The following ABCG2 variants were observed in gnomAD, a reference collection of about 807,000 sequenced individuals.
ABCG2 encodes the protein broad substrate specificity ATP-binding cassette transporter ABCG2.
A neutral mutation model predicts 73.5 loss-of-function variants in ABCG2; 80 were observed. The ratio of observed to expected loss-of-function variants is 1.09; its 90% CI spans 0.91 to 1.31. The LOEUF (loss-of-function observed/expected upper bound fraction) is 1.31. Ranked by LOEUF, ABCG2 falls within the 50% of genes most tolerant of loss-of-function variation. The pLI is 0.00. For missense variants in ABCG2, 796 were observed against 786.2 expected, an observed-to-expected ratio of 1.01 and a Z score of -0.15; for synonymous variants, 269 against 282.4, an observed-to-expected ratio of 0.95 and a Z score of 0.48.
chr4:88,113,360 C>T lies in ABCG2; in HGVS notation c.1137G>A (p.Trp379Ter). The T allele has an allele frequency of 6.2e-7, 1 of 1,614,152 alleles. No individual in the cohort carries two copies. Residue 379 changes from tryptophan (W) to a stop codon, truncating the protein, a stop_gained, in exon 9 of 16, where the codon TGG (tryptophan) becomes TGA (stop). Transcript: ENST00000237612. LOFTEE classifies it high-confidence loss of function. ...YTTSFCHQLR[W>*]VSKRSFKNLL... ...AGTTTTTGAATGAACGCTTGGAAAC[C>T]CATCTGAGTTGATGACAGAAGGAGG...
intron 1 of ABCG2, among the ~76,000 whole-genome samples, chr4:88,216,397 T>C (rs2110127319): frequency 6.6e-6 from 1 of 152,324 alleles, no homozygotes. Context: ...TTCTCAAAAA[T>C]CAAATGATCA....
chr4:88,198,188 C>G (rs1305765850), intron 1 of ABCG2, among the ~76,000 whole-genome samples: 1 of 152,010 alleles, frequency 6.6e-6, no homozygotes, highest in African/African-American at 2.4e-5. Flanking sequence ...AAAAAACTAG[C>G]TGGGCATGGT....
chr4:88,181,573 A>T (rs951255886), intron 1 of ABCG2, among the ~76,000 whole-genome samples: 2 of 152,094 alleles, frequency 1.3e-5, no homozygotes, highest in African/African-American at 4.8e-5. Context: ...CCTACAAAAA[A>T]TAAAAGAAAT....
intron 1 of ABCG2, among the ~76,000 whole-genome samples, chr4:88,182,417 C>G (rs1728291076): frequency 6.6e-6 from 1 of 152,106 alleles, no homozygotes; most frequent in Non-Finnish European, 1.5e-5. Flanking sequence ...TAGATATTTA[C>G]AGAACATTTA....
At chr4:88,176,746 G>C (rs1728002642) in intron 1 of ABCG2, among the ~76,000 whole-genome samples, 3 of 145,218 alleles carry the variant, frequency 2.1e-5, no homozygotes, top group South Asian at 4.3e-4. Flanking sequence ...CTCTCGCCTT[G>C]GCCTCCTACT....
Position 88,118,095 on chromosome 4 carries a change from A to C in ABCG2, c.841+14T>G. 1 of 1,609,592 alleles carries C rather than the reference A, an allele frequency of 6.2e-7. No individual in the cohort carries two copies. The highest frequency in any genetic ancestry group is 8.5e-7 in the Non-Finnish European group (1 of 1,178,414). ...TTAATGAAGCATTTTACAGCATAAA[A>C]AAGTCAACCATACCAGCTGATTCAA... On this transcript the variant is annotated intron_variant, in intron 7 of 15. Coordinates refer to ENST00000237612, the MANE Select transcript of ABCG2 (RefSeq NM_004827.3).
chr4:88,182,977 C>T lies in ABCG2; in HGVS notation c.-19-42963G>A, dbSNP rs529937060. On this transcript the variant is annotated intron_variant, in intron 1 of 15. Transcript: ENST00000515655. Reference sequence around the variant, plus strand: ...GCGGGCACCTGTAGTCCCAGCTACTCAAGAGGCTGAGGTAGGAGAATCACT... The same window carrying T: ...GCGGGCACCTGTAGTCCCAGCTACTTAAGAGGCTGAGGTAGGAGAATCACT... Among the ~76,000 whole-genome samples the T allele has an allele frequency of 2.0e-3, 301 of 150,826 alleles. 1 individual carries two copies. The highest frequency in any genetic ancestry group is 3.5e-3 in the Admixed American group (53 of 15,048).
chr4:88,221,006 A>G (rs1385024020), intron 1 of ABCG2, among the ~76,000 whole-genome samples: 2 of 152,146 alleles, frequency 1.3e-5, no homozygotes, highest in Non-Finnish European at 1.5e-5. Flanking sequence ...CAGTGGCTCA[A>G]GCCTGTAATC....
intron 1 of ABCG2, among the ~76,000 whole-genome samples, chr4:88,186,886 T>C (rs1448142662): frequency 8.0e-6 from 1 of 125,442 alleles, no homozygotes; most frequent in Non-Finnish European, 1.6e-5. Flanking sequence ...GCCACTGCAC[T>C]CCAGCCTGGG....
intron 10 of ABCG2, among the ~76,000 whole-genome samples, chr4:88,102,322 G>A (rs536720604): frequency 4.6e-5 from 7 of 152,336 alleles, no homozygotes; most frequent in African/African-American, 1.4e-4. Flanking sequence ...TGTTGGCCGG[G>A]TGCAGTGGCT....
intron 1 of ABCG2, among the ~76,000 whole-genome samples, chr4:88,165,751 G>C (rs1016567117): frequency 2.6e-5 from 4 of 152,168 alleles, no homozygotes; most frequent in Non-Finnish European, 5.9e-5. Flanking sequence ...GCATGCGCCT[G>C]TAGTCCCAGC....
intron 1 of ABCG2, among the ~76,000 whole-genome samples, chr4:88,199,436 A>G: frequency 6.6e-6 from 1 of 152,216 alleles, no homozygotes; most frequent in Admixed American, 6.5e-5. Context: ...ATAAAGAAAA[A>G]ATCTTCAATG....
chr4:88,176,647 ATTTTTTTTTTT>A (rs35728226), intron 1 of ABCG2, among the ~76,000 whole-genome samples: 17 of 90,162 alleles, frequency 1.9e-4, no homozygotes, highest in East Asian at 7.9e-4. Flanking sequence ...CACCTGGCTA[ATTTTTTTTTTT>A]TTTTTTTTTT....
intron 1 of ABCG2, among the ~76,000 whole-genome samples, chr4:88,165,951 A>G (rs1260559936): frequency 6.6e-6 from 1 of 152,120 alleles, no homozygotes; most frequent in Non-Finnish European, 1.5e-5. Flanking sequence ...TCCTTTGCTA[A>G]AGTAACCTAT....
chr4:88,185,320 T>A (rs920864558), intron 1 of ABCG2, among the ~76,000 whole-genome samples: 14 of 152,178 alleles, frequency 9.2e-5, no homozygotes, highest in African/African-American at 2.9e-4. Flanking sequence ...GCTGATATTG[T>A]GCCACTGCAC....
upstream of ABCG2, chr4:88,163,736 C>T: frequency 7.3e-6 from 3 of 409,994 alleles, no homozygotes; most frequent in East Asian, 7.7e-5. Context: ...CGGAAATTTG[C>T]CATGAAGGAG....
intron 1 of ABCG2, among the ~76,000 whole-genome samples, chr4:88,202,790 T>C (rs1041521083): frequency 1.3e-5 from 2 of 152,012 alleles, no homozygotes; most frequent in South Asian, 4.2e-4. Flanking sequence ...GCCCAGGAGT[T>C]GGAGGTTACG....
intron 11 of ABCG2, among the ~76,000 whole-genome samples, chr4:88,100,805 T>C (rs1206481096): frequency 6.6e-6 from 1 of 152,182 alleles, no homozygotes; most frequent in Non-Finnish European, 1.5e-5. Flanking sequence ...CACTTCCAAG[T>C]TGCTGCTTAA....
chr4:88,119,020 A>T (rs1327952327), intron 6 of ABCG2, among the ~76,000 whole-genome samples: 1 of 152,132 alleles, frequency 6.6e-6, no homozygotes, highest in African/African-American at 2.4e-5. Flanking sequence ...TGCCCACCCA[A>T]ATCTCACCTT....
Sources: allele counts gnomAD v4.1 joint callset (sites outside exome capture counted in the v4.1 genomes callset), GRCh38; gene constraint gnomAD v4.1.1; transcripts MANE v1.5; gene names NCBI Gene and HGNC (gene_info 2026-07-23, HGNC 2026-07-21).